EGFLAM: variants seen among roughly 807,000 people sequenced by gnomAD.
EGFLAM encodes EGF like, fibronectin type III and laminin G domains, also known as pikachurin.
Under a neutral mutation model 113.1 loss-of-function variants are expected in EGFLAM, and 79 were observed. That is an observed-to-expected ratio of 0.70 (90% CI 0.58 to 0.84). The LOEUF (loss-of-function observed/expected upper bound fraction) is 0.84, where lower values mean the gene tolerates loss of function less well. EGFLAM is among the 40% of genes least tolerant of loss of function. EGFLAM has a pLI of 0.00. For synonymous variants in EGFLAM, 504 were observed against 487.6 expected (o/e 1.03, Z -0.44); for missense variants, 1,265 against 1,291.6 (o/e 0.98, Z 0.32).
chr5:38,317,570 C>T (rs1424897887), intron 1 of EGFLAM, among the ~76,000 whole-genome samples: 2 of 152,294 alleles, frequency 1.3e-5, no homozygotes, highest in African/African-American at 4.8e-5. Flanking sequence ...AAGTTCATAT[C>T]CCAGAACCAT....
intron 1 of EGFLAM, among the ~76,000 whole-genome samples, chr5:38,261,027 C>T (rs1367895191): frequency 6.6e-6 from 1 of 152,184 alleles, no homozygotes; most frequent in Non-Finnish European, 1.5e-5. Context: ...TGCAGGCATA[C>T]TGGAGCGGTT....
chr5:38,278,034 A>C (rs906446528), intron 1 of EGFLAM, among the ~76,000 whole-genome samples: 6 of 152,214 alleles, frequency 3.9e-5, no homozygotes, highest in Admixed American at 1.3e-4. Context: ...AAATAGAAAA[A>C]AAAAATCCTA....
At chr5:38,346,371 T>C (rs1739472508) in intron 3 of EGFLAM, 2 of 152,220 alleles carry the variant, frequency 1.3e-5, no homozygotes, top group Admixed American at 6.5e-5. Context: ...AACTTGGGCA[T>C]TGGTGTCAAA....
In EGFLAM at chr5:38,435,168, A is replaced by G. The variant is rs1442506857; in HGVS notation, c.2198A>G (p.Asp733Gly). Residue 733 changes from aspartate to glycine, a missense_variant, in exon 16 of 22, where the codon GAC (aspartate) becomes GGC (glycine). Coordinates refer to ENST00000322350, the MANE Select transcript of EGFLAM (RefSeq NM_152403.4). ...TTCACACAGATTAAGTGCAACACAG[A>G]CATTTTCATTGGCGGAGTCCCCAAT... is the stretch of plus-strand genomic sequence containing the variant. ...GGFTQIKCNTDIFIGGVPNYD... is the reference protein window; with the variant it reads ...GGFTQIKCNTGIFIGGVPNYD... 2 of 1,614,174 alleles carry G rather than the reference A, an allele frequency of 1.2e-6. No homozygotes were observed. Among genetic ancestry groups the G allele is most frequent in the Admixed American group, 3.3e-5 (2 of 60,030 alleles).
At chr5:38,428,589 T>G (rs896437950) in intron 14 of EGFLAM, among the ~76,000 whole-genome samples, 8 of 152,208 alleles carry the variant, frequency 5.3e-5, no homozygotes, top group African/African-American at 1.9e-4. Flanking sequence ...ACCTTGCACT[T>G]TTAAATGGTT....
chr5:38,318,150 T>C (rs1164489889), intron 1 of EGFLAM, among the ~76,000 whole-genome samples: 3 of 151,898 alleles, frequency 2.0e-5, no homozygotes, highest in Non-Finnish European at 2.9e-5. Context: ...CCTGCTGGGA[T>C]TGTGGTGATG....
intron 1 of EGFLAM, among the ~76,000 whole-genome samples, chr5:38,315,715 C>T (rs72739101): frequency 0.11 from 16,809 of 152,140 alleles, 1,115 homozygotes; most frequent in Middle Eastern, 0.14. Flanking sequence ...ATCTCTCTCT[C>T]GGCTTCAGTT....
chr5:38,448,261 A>G (rs1742787061), intron 17 of EGFLAM, 40 bp from the exon 18 acceptor site: 2 of 1,610,506 alleles, frequency 1.2e-6, no homozygotes, highest in Admixed American at 3.3e-5. Flanking sequence ...GGTCAAGAGA[A>G]CCACATACTA....
chr5:38,375,637 C>A (rs1189280079), intron 6 of EGFLAM, among the ~76,000 whole-genome samples: 1 of 152,194 alleles, frequency 6.6e-6, no homozygotes, highest in Non-Finnish European at 1.5e-5. Context: ...TAATGCCAGA[C>A]ACTATTAGCA....
chr5:38,354,844 T>C (rs889244781), intron 5 of EGFLAM, among the ~76,000 whole-genome samples: 2 of 152,244 alleles, frequency 1.3e-5, no homozygotes, highest in African/African-American at 2.4e-5. Context: ...ACACATATTT[T>C]AAAATTTTCT....
chr5:38,333,187 T>C (rs1739089482), intron 1 of EGFLAM, among the ~76,000 whole-genome samples: 1 of 152,234 alleles, frequency 6.6e-6, no homozygotes, highest in South Asian at 2.1e-4. Flanking sequence ...ACATTTTCTT[T>C]ATCCAGTCTG....
At chr5:38,338,478 C>G (rs1739243863) in intron 2 of EGFLAM, among the ~76,000 whole-genome samples, 1 of 152,224 alleles carries the variant, frequency 6.6e-6, no homozygotes, top group Non-Finnish European at 1.5e-5. Flanking sequence ...CTGCATTTCA[C>G]TTCATTGATA....
chr5:38,342,964 C>G (rs1239610217), intron 3 of EGFLAM, among the ~76,000 whole-genome samples: 1 of 152,186 alleles, frequency 6.6e-6, no homozygotes, highest in African/African-American at 2.4e-5. Context: ...TGCACCACCA[C>G]CCTGCTTTAG....
intron 17 of EGFLAM, among the ~76,000 whole-genome samples, chr5:38,447,994 C>T (rs1052321375): frequency 1.3e-5 from 2 of 152,150 alleles, no homozygotes; most frequent in Non-Finnish European, 2.9e-5. Flanking sequence ...AAGAGCTGCT[C>T]TTTGGCTTCC....
intron 12 of EGFLAM, among the ~76,000 whole-genome samples, chr5:38,423,417 G>A (rs1579910533): frequency 6.6e-6 from 1 of 152,182 alleles, no homozygotes; most frequent in East Asian, 1.9e-4. Flanking sequence ...ACTCCATCTG[G>A]CTTTCATGAC....
intron 10 of EGFLAM, among the ~76,000 whole-genome samples, chr5:38,410,544 G>A (rs1193572454): frequency 1.3e-5 from 2 of 152,176 alleles, no homozygotes; most frequent in African/African-American, 4.8e-5. Context: ...TCCTAGTAAG[G>A]AAAATGCCGG....
chr5:38,388,981 G>T (rs1186712926), intron 6 of EGFLAM, among the ~76,000 whole-genome samples: 2 of 151,100 alleles, frequency 1.3e-5, no homozygotes, highest in African/African-American at 4.9e-5. Context: ...TTTTTTTCTG[G>T]ATACATAAGA....
intron 10 of EGFLAM, among the ~76,000 whole-genome samples, chr5:38,409,679 C>G (rs924088008): frequency 2.0e-5 from 3 of 152,208 alleles, no homozygotes; most frequent in Non-Finnish European, 4.4e-5. Flanking sequence ...CTGGGGCCTT[C>G]TCATCTCCCT....
Position 38,376,191 on chromosome 5 carries a change from A to T in EGFLAM, c.712+5729A>T, listed in dbSNP as rs148341235. 8.5e-5 allele frequency among the ~76,000 whole-genome samples: 13 copies of T among 152,338 alleles called. No individual in the cohort carries two copies. The East Asian group carries it at 2.3e-3, about 27-fold the overall frequency. ...TCACTGCCTCCACTGGCCACCAACT[A>T]CTGAGCTTGAAGCTTAATGAGTACA... is the stretch of plus-strand genomic sequence containing the variant. On this transcript the variant is annotated intron_variant, in intron 6 of 21. Coordinates refer to ENST00000322350, the MANE Select transcript of EGFLAM (RefSeq NM_152403.4).
Sources: gnomAD v4.1 joint callset for allele counts (sites outside exome capture counted in the v4.1 genomes callset) on GRCh38, gnomAD v4.1.1 for gene constraint, MANE v1.5 for transcripts, NCBI Gene and HGNC (gene_info 2026-07-23, HGNC 2026-07-21) for gene names.